TCF12: variants seen among roughly 807,000 people sequenced by gnomAD.
The protein encoded by TCF12 is transcription factor 12, also known as DNA-binding protein HTF4.
A neutral mutation model predicts 86.0 loss-of-function variants in TCF12; 45 were observed. The ratio of observed to expected loss-of-function variants is 0.52; its 90% CI spans 0.41 to 0.67. The LOEUF (loss-of-function observed/expected upper bound fraction) is 0.67, where lower values mean the gene tolerates loss of function less well. TCF12 is among the 30% of genes least tolerant of loss of function. The pLI, the probability that TCF12 is intolerant of heterozygous loss-of-function variation, is 0.00. For missense variants in TCF12, 881 were observed against 859.9 expected (o/e 1.02, Z -0.31); for synonymous variants, 330 against 299.6 (o/e 1.10, Z -1.05).
At chr15:57,076,072 T>A (rs73413365) in intron 4 of TCF12, among the ~76,000 whole-genome samples, 2 of 151,276 alleles carry the variant, frequency 1.3e-5, no homozygotes, top group Non-Finnish European at 1.5e-5. Flanking sequence ...CCCAGGCTGT[T>A]ACCAAATTCC....
At chr15:57,147,737 A>G (rs928237768) in intron 5 of TCF12, among the ~76,000 whole-genome samples, 3 of 152,214 alleles carry the variant, frequency 2.0e-5, no homozygotes, top group Admixed American at 2.0e-4. Context: ...AATATGGAAA[A>G]TGATAGTAAA....
At chr15:56,926,030 T>G (rs2059996275) in intron 3 of TCF12, among the ~76,000 whole-genome samples, 1 of 152,168 alleles carries the variant, frequency 6.6e-6, no homozygotes, top group South Asian at 2.1e-4. Context: ...TGGAGACATT[T>G]CGTTGGCGTG....
intron 16 of TCF12, among the ~76,000 whole-genome samples, chr15:57,259,707 T>C (rs1332837319): frequency 6.6e-6 from 1 of 152,216 alleles, no homozygotes; most frequent in Non-Finnish European, 1.5e-5. Flanking sequence ...GCTACTCCCC[T>C]AACAGCGGCA....
intron 4 of TCF12, among the ~76,000 whole-genome samples, chr15:57,081,789 G>A (rs913463804): frequency 2.6e-5 from 4 of 151,994 alleles, no homozygotes; most frequent in East Asian, 3.9e-4. Context: ...GGCTGGTCTC[G>A]AACTCCTGAC....
chr15:57,244,563 G>T (rs1944125572), intron 13 of TCF12, among the ~76,000 whole-genome samples: 1 of 152,156 alleles, frequency 6.6e-6, no homozygotes, highest in Non-Finnish European at 1.5e-5. Context: ...GGGCTCAAGG[G>T]ATTCTCCTGC....
intron 3 of TCF12, among the ~76,000 whole-genome samples, chr15:57,023,800 G>A (rs1467050766): frequency 6.6e-6 from 1 of 152,214 alleles, no homozygotes; most frequent in African/African-American, 2.4e-5. Context: ...TTTGGCACCA[G>A]GAACTGGTTT....
intron 8 of TCF12, among the ~76,000 whole-genome samples, chr15:57,226,427 A>G (rs1327493063): frequency 6.6e-6 from 1 of 152,134 alleles, no homozygotes; most frequent in Non-Finnish European, 1.5e-5. Flanking sequence ...TGCTGAATAT[A>G]ATTTCTGTTA....
At chr15:57,128,251 A>G (rs536089039) in intron 5 of TCF12, among the ~76,000 whole-genome samples, 3 of 152,250 alleles carry the variant, frequency 2.0e-5, no homozygotes, top group Non-Finnish European at 2.9e-5. Context: ...CTTTTTCGCT[A>G]ATCAGATGAC....
chr15:57,127,558 G>A (rs1374625560), intron 5 of TCF12, among the ~76,000 whole-genome samples: 5 of 152,144 alleles, frequency 3.3e-5, no homozygotes, highest in East Asian at 3.8e-4. Context: ...TTCCTGCACC[G>A]ATTTAAACAA....
At chr15:57,070,491 A>T (rs985259571) in intron 4 of TCF12, among the ~76,000 whole-genome samples, 2 of 152,162 alleles carry the variant, frequency 1.3e-5, no homozygotes, top group African/African-American at 4.8e-5. Flanking sequence ...ATAAATAAAA[A>T]CTCAGTGAAA....
rs1443901587 is a variant in TCF12 at position 56,919,982 on chromosome 15, C to A, written c.69C>A (p.Phe23Leu). 1.2e-6 allele frequency: 2 copies of A among 1,614,012 alleles called. No individual in the cohort carries two copies. The highest frequency in any genetic ancestry group is 2.2e-5 in the East Asian group (1 of 44,866). Residue 23 changes from phenylalanine to leucine, a missense_variant, in exon 2 of 21, where the codon TTC (phenylalanine) becomes TTA (leucine). Around this residue, in one of 3 missense-constraint regions of TCF12, gnomAD observed 766 missense variants for 718.9 expected, o/e 1.07. Coordinates refer to ENST00000333725, the MANE Select transcript of TCF12 (RefSeq NM_207037.2). ...AGGAGCTGAGCGACCTACTGGACTT[C>A]AGTGCGGTATGAGAGCTTTCCATGG... ...TDKELSDLLD[F>L]SAMFSPPVNS...
chr15:57,271,236 T>G (rs1372860126), intron 18 of TCF12, among the ~76,000 whole-genome samples: 1 of 152,198 alleles, frequency 6.6e-6, no homozygotes, highest in East Asian at 1.9e-4. Flanking sequence ...CAGTTCGAGC[T>G]TCCCTGCCAC....
At chr15:57,089,083 A>G (rs1165558563) in intron 4 of TCF12, among the ~76,000 whole-genome samples, 1 of 152,214 alleles carries the variant, frequency 6.6e-6, no homozygotes, top group Non-Finnish European at 1.5e-5. Context: ...GTTGTATGCG[A>G]TGTAAAACTG....
intron 5 of TCF12, among the ~76,000 whole-genome samples, chr15:57,104,435 C>CTTTTTTTTTTTT (rs71113062): frequency 9.7e-5 from 10 of 103,340 alleles, no homozygotes; most frequent in South Asian, 3.0e-4. Context: ...TTTTTTTTTT[C>CTTTTTTTTTTTT]TTTTTTTTTT....
At chr15:57,067,247 A>C (rs1397494143) in intron 4 of TCF12, among the ~76,000 whole-genome samples, 1 of 152,196 alleles carries the variant, frequency 6.6e-6, no homozygotes, top group African/African-American at 2.4e-5. Flanking sequence ...ATTGTACCTA[A>C]GAGTGGTTAT....
At chr15:57,121,447 GT>G (rs1187718942) in intron 5 of TCF12, among the ~76,000 whole-genome samples, 1 of 152,206 alleles carries the variant, frequency 6.6e-6, no homozygotes. Flanking sequence ...AAAAGGTGTA[GT>G]TGGCCTGTGG....
Position 57,263,841 on chromosome 15 carries a change from C to T in TCF12, c.1745+567C>T, listed in dbSNP as rs559210854. The stretch of plus-strand genomic sequence containing the variant: ...TTTGTGTATCTAAACACCTAAAAGG[C>T]ACAGTAAAAATAAAAGATAAAAAAT... On this transcript the variant is annotated intron_variant, in intron 18 of 20. Transcript: ENST00000333725. Among the ~76,000 whole-genome samples the T allele has an allele frequency of 6.4e-4, 97 of 152,118 alleles. 2 individuals carry two copies. Among genetic ancestry groups the T allele is most frequent in the African/African-American group, 2.3e-3 (95 of 41,476 alleles).
intron 6 of TCF12, among the ~76,000 whole-genome samples, chr15:57,169,648 T>G (rs1401369712): frequency 6.6e-6 from 1 of 152,160 alleles, no homozygotes; most frequent in Non-Finnish European, 1.5e-5. Context: ...CCTAAATGTT[T>G]GAGAGCCACT....
At chr15:56,972,694 A>G (rs760704224) in intron 3 of TCF12, among the ~76,000 whole-genome samples, 1 of 152,182 alleles carries the variant, frequency 6.6e-6, no homozygotes, top group Non-Finnish European at 1.5e-5. Context: ...GGAGGTTGTG[A>G]CAGTACTGAG....
Sources: allele counts gnomAD v4.1 joint callset (sites outside exome capture counted in the v4.1 genomes callset), GRCh38; gene constraint gnomAD v4.1.1; regional missense constraint gnomAD v4.1.1; transcripts MANE v1.5; gene names NCBI Gene and HGNC (gene_info 2026-07-23, HGNC 2026-07-21).